GPC6: variants seen among roughly 807,000 people sequenced by gnomAD.
GPC6 encodes glypican 6, also known as glypican-6.
In GPC6, 14 loss-of-function variants were observed where a neutral mutation model predicts 55.2. The observed-to-expected ratio is 0.25, with a 90% CI of 0.17 to 0.40. The LOEUF (loss-of-function observed/expected upper bound fraction) is 0.40. Among genes scored for constraint, GPC6 ranks in the 10% least tolerant of loss-of-function variants. The pLI, the probability that GPC6 is intolerant of heterozygous loss-of-function variation, is 1.00. For missense variants in GPC6, 641 were observed against 708.5 expected, an observed-to-expected ratio of 0.90 and a Z score of 1.08; for synonymous variants, 278 against 259.6, an observed-to-expected ratio of 1.07 and a Z score of -0.68.
chr13:93,533,339 C>T (rs1241169756), intron 1 of GPC6, among the ~76,000 whole-genome samples: 2 of 152,156 alleles, frequency 1.3e-5, no homozygotes, highest in Non-Finnish European at 2.9e-5. Flanking sequence ...CTAAAGTATT[C>T]TAAAGTATTT....
chr13:93,792,396 C>T (rs1352564594), intron 2 of GPC6, among the ~76,000 whole-genome samples: 6 of 152,346 alleles, frequency 3.9e-5, no homozygotes, highest in South Asian at 2.1e-4. Context: ...CTGCAGCCTC[C>T]GCCTCCCAGG....
At chr13:94,355,853 G>T (rs1878768271) in intron 6 of GPC6, among the ~76,000 whole-genome samples, 2 of 152,158 alleles carry the variant, frequency 1.3e-5, no homozygotes, top group African/African-American at 4.8e-5. Context: ...GTGTGCCATA[G>T]TGGTTTGCTG....
At chr13:94,231,557 T>A (rs1017027345) in intron 4 of GPC6, among the ~76,000 whole-genome samples, 3 of 152,200 alleles carry the variant, frequency 2.0e-5, no homozygotes, top group Non-Finnish European at 4.4e-5. Flanking sequence ...TTATTAAAAA[T>A]CAATGCTAAA....
chr13:93,596,602 AATAAATAAAT>A (rs1185966997), intron 2 of GPC6, among the ~76,000 whole-genome samples: 9 of 82,762 alleles, frequency 1.1e-4, no homozygotes, highest in African/African-American at 2.4e-4. Flanking sequence ...TAAATAAATA[AATAAATAAAT>A]ATATATATAT....
intron 6 of GPC6, 133 bp downstream of exon 6, chr13:94,306,256 T>C (rs370256379): frequency 3.5e-6 from 3 of 867,810 alleles, no homozygotes; most frequent in Non-Finnish European, 1.9e-6. Flanking sequence ...TGTTCTTAAT[T>C]AGAATATTGA....
At chr13:93,780,706 T>C (rs1885615333) in intron 2 of GPC6, among the ~76,000 whole-genome samples, 1 of 152,168 alleles carries the variant, frequency 6.6e-6, no homozygotes. Flanking sequence ...TGTTAATGTT[T>C]AAAACAAGTC....
intron 4 of GPC6, among the ~76,000 whole-genome samples, chr13:94,110,826 C>T (rs1308562408): frequency 2.6e-5 from 4 of 151,948 alleles, no homozygotes; most frequent in East Asian, 3.9e-4. Context: ...ATATATTATT[C>T]GACAGTACAT....
At chr13:93,490,728 T>C (rs866751329) in intron 1 of GPC6, among the ~76,000 whole-genome samples, 150 of 119,988 alleles carry the variant, frequency 1.3e-3, no homozygotes, top group African/African-American at 4.3e-3. Context: ...GTCCATGTGA[T>C]CTGATTGTTC....
chr13:93,416,804 C>G (rs898735745), intron 1 of GPC6, among the ~76,000 whole-genome samples: 43 of 151,970 alleles, frequency 2.8e-4, no homozygotes, highest in Non-Finnish European at 5.6e-4. Flanking sequence ...GGGCAACCCC[C>G]CTGTTATTAT....
At chr13:93,225,155 G>C (rs1357984560), upstream of GPC6, among the ~76,000 whole-genome samples, 1 of 152,198 alleles carries the variant, frequency 6.6e-6, no homozygotes, top group Non-Finnish European at 1.5e-5. Context: ...CCCAGGATAA[G>C]GTGGTAGGAC....
chr13:93,961,577 A>G (rs1019631751), intron 3 of GPC6, among the ~76,000 whole-genome samples: 1 of 152,224 alleles, frequency 6.6e-6, no homozygotes, highest in Non-Finnish European at 1.5e-5. Context: ...TAGCTTTTGA[A>G]ATGCATAGAC....
chr13:93,750,891 G>T (rs1884554494), intron 2 of GPC6, among the ~76,000 whole-genome samples: 1 of 152,160 alleles, frequency 6.6e-6, no homozygotes, highest in South Asian at 2.1e-4. Context: ...TGTGGGAGTG[G>T]TTCACAGCAT....
At chr13:94,008,858 C>T (rs1882126806) in intron 3 of GPC6, among the ~76,000 whole-genome samples, 1 of 152,090 alleles carries the variant, frequency 6.6e-6, no homozygotes, top group Non-Finnish European at 1.5e-5. Context: ...TTCTCCTGAA[C>T]TTGTATTTCC....
chr13:93,355,118 T>C (rs996163681), intron 1 of GPC6, among the ~76,000 whole-genome samples: 1 of 152,232 alleles, frequency 6.6e-6, no homozygotes, highest in African/African-American at 2.4e-5. Flanking sequence ...GCAGCCATTA[T>C]TCATATCTTG....
intron 1 of GPC6, among the ~76,000 whole-genome samples, chr13:93,409,351 A>G (rs1876410573): frequency 6.6e-6 from 1 of 152,168 alleles, no homozygotes; most frequent in African/African-American, 2.4e-5. Context: ...AACTTGAAAC[A>G]GAAAGAAAAT....
chr13:94,181,842 A>G (rs1452961577), intron 4 of GPC6, among the ~76,000 whole-genome samples: 1 of 152,202 alleles, frequency 6.6e-6, no homozygotes, highest in Non-Finnish European at 1.5e-5. Flanking sequence ...TTTATTGAGC[A>G]CTCACTAAGT....
At chr13:94,084,392 G>T (rs1454478989) in intron 4 of GPC6, among the ~76,000 whole-genome samples, 1 of 152,116 alleles carries the variant, frequency 6.6e-6, no homozygotes, top group African/African-American at 2.4e-5. Context: ...TTCTATTTGA[G>T]AAAGGAGGAA....
chr13:94,036,758 C>T (rs1217655884), intron 4 of GPC6, among the ~76,000 whole-genome samples: 1 of 150,682 alleles, frequency 6.6e-6, no homozygotes, highest in Non-Finnish European at 1.5e-5. Context: ...ATTTATCTTT[C>T]GGATTGTTTC....
At chr13:93,400,947 A>T (rs2762103) in intron 1 of GPC6, among the ~76,000 whole-genome samples, 2 of 152,082 alleles carry the variant, frequency 1.3e-5, no homozygotes, top group Admixed American at 6.6e-5. Flanking sequence ...CAGGACACAC[A>T]TGTCAGGGCC....
Sources: gnomAD v4.1 joint callset for allele counts (sites outside exome capture counted in the v4.1 genomes callset) on GRCh38, gnomAD v4.1.1 for gene constraint, MANE v1.5 for transcripts, NCBI Gene and HGNC (gene_info 2026-07-23, HGNC 2026-07-21) for gene names.